The following GGA2 variants were observed in gnomAD, a reference collection of about 807,000 sequenced individuals.
GGA2 encodes golgi associated, gamma adaptin ear containing, ARF binding protein 2, also known as ADP-ribosylation factor-binding protein GGA2.
A neutral mutation model predicts 79.5 loss-of-function variants in GGA2; 48 were observed. The ratio of observed to expected loss-of-function variants is 0.60; its 90% CI spans 0.48 to 0.77. The LOEUF (loss-of-function observed/expected upper bound fraction) is 0.77. Among genes scored for constraint, GGA2 ranks in the 30% least tolerant of loss-of-function variants. The probability of loss-of-function intolerance (pLI) is 0.00; values close to 1 mark genes in which losing one functional copy is unlikely to be tolerated. For synonymous variants in GGA2, 317 were observed against 302.0 expected (o/e 1.05, Z -0.51); for missense variants, 770 against 774.0 (o/e 0.99, Z 0.06).
chr16:23,473,432 G>A (rs1964540100), intron 14 of GGA2, among the ~76,000 whole-genome samples: 1 of 138,460 alleles, frequency 7.2e-6, no homozygotes, highest in Non-Finnish European at 1.5e-5. Context: ...TGCCATCTGG[G>A]TTCAGGTGAT....
chr16:23,486,201 T>G (rs753776224), intron 7 of GGA2, 49 bp from the exon 8 acceptor site: 39 of 1,575,328 alleles, frequency 2.5e-5, no homozygotes, highest in Non-Finnish European at 3.2e-5. Flanking sequence ...AAACCCTGGC[T>G]GAAGCCTGAA....
chr16:23,495,097 G>C (rs57258063), intron 2 of GGA2, among the ~76,000 whole-genome samples: 2 of 149,744 alleles, frequency 1.3e-5, no homozygotes, highest in East Asian at 1.9e-4. Context: ...AAAAAGAAAA[G>C]AAAAGAAAAC....
chr16:23,482,961 C>T lies in GGA2; in HGVS notation c.842G>A (p.Arg281Gln), dbSNP rs148723605. ...RCEKLRPTLF[R>Q]LASDTTDDDD... The stretch of plus-strand genomic sequence containing the variant: ...GTCATCAGTGGTGTCACTCGCCAAC[C>T]GGAACAGCGTGGGCCGCAGCTTTTC... The change falls in exon 9 of 17, where the codon CGG (arginine) becomes CAG (glutamine). Residue 281 changes from arginine to glutamine, a missense_variant. Coordinates refer to ENST00000309859, the MANE Select transcript of GGA2 (RefSeq NM_015044.4). The T allele has an allele frequency of 5.0e-6, 8 of 1,612,770 alleles. No individual in the cohort carries two copies. In the African/African-American group the frequency reaches 5.3e-5, roughly 11 times the overall value.
At chr16:23,468,786 T>C (rs1166535529) in intron 16 of GGA2, 100 bp downstream of exon 16, 2 of 707,698 alleles carry the variant, frequency 2.8e-6, no homozygotes, top group Admixed American at 2.0e-5. Context: ...CCAGAGACTT[T>C]AGAGCAAGGC....
intron 9 of GGA2, among the ~76,000 whole-genome samples, chr16:23,482,251 G>A (rs1424831521): frequency 6.6e-6 from 1 of 152,118 alleles, no homozygotes; most frequent in Non-Finnish European, 1.5e-5. Context: ...ACGACAGAGC[G>A]AGACTCCATC....
chr16:23,493,485 A>G, intron 3 of GGA2, 27 bp from the exon 4 acceptor site: 1 of 1,440,278 alleles, frequency 6.9e-7, no homozygotes, highest in Non-Finnish European at 9.8e-7. Context: ...CCCCCAGGAG[A>G]AGGTGGAAAG....
chr16:23,510,503 A>T, upstream of GGA2: 1 of 465,860 alleles, frequency 2.1e-6, no homozygotes, highest in African/African-American at 2.0e-5. Flanking sequence ...GCGCGGCAGG[A>T]GCGGTGGACA....
intron 10 of GGA2, chr16:23,480,196 G>C (rs993409310): frequency 7.8e-5 from 29 of 374,110 alleles, no homozygotes; most frequent in South Asian, 6.5e-4. Flanking sequence ...GACCACAGCT[G>C]ATTAGAATCA....
chr16:23,470,263 G>GC, intron 14 of GGA2, 98 bp from the exon 15 acceptor site: 2 of 851,926 alleles, frequency 2.3e-6, no homozygotes, highest in Non-Finnish European at 3.5e-6. Flanking sequence ...AGATGCTGTT[G>GC]CTTCTCCATG....
At chr16:23,509,739 AAC>A (rs1157741738) in intron 1 of GGA2, among the ~76,000 whole-genome samples, 39 of 148,812 alleles carry the variant, frequency 2.6e-4, no homozygotes, top group African/African-American at 5.4e-4. Context: ...GGAAAAAAAA[AAC>A]ACACATATAT....
At chr16:23,500,490 G>A (rs1436189147) in intron 1 of GGA2, among the ~76,000 whole-genome samples, 2 of 152,230 alleles carry the variant, frequency 1.3e-5, no homozygotes, top group East Asian at 1.9e-4. Context: ...CACAGCAGAT[G>A]GAACACGCTG....
chr16:23,491,767 C>G lies in GGA2; in HGVS notation c.385G>C (p.Gly129Arg). The change falls in exon 5 of 17, where the codon GGA (glycine) becomes CGA (arginine). Residue 129 changes from glycine to arginine, a missense_variant. Coordinates refer to ENST00000309859, the MANE Select transcript of GGA2 (RefSeq NM_015044.4). ...CTGAAGAGTATTTCAATGACTCTTC[C>G]TTTAACTTTTCCTGTGGCCCAGGAC... ...LGSWATGKVK[G>R]RVIEILFSWT... is the part of the protein sequence containing the mutation. 6.2e-7 allele frequency: 1 copy of G among 1,611,468 alleles called. No homozygotes were observed. The highest frequency in any genetic ancestry group is 1.1e-5 in the South Asian group (1 of 91,004).
rs752597627 is a variant in GGA2, at chr16:23,491,713, T to G, written c.439A>C (p.Lys147Gln). 6.2e-7 allele frequency: 1 copy of G among 1,612,850 alleles called. No individual in the cohort carries two copies. Among genetic ancestry groups the G allele is most frequent in the Non-Finnish European group, 8.5e-7 (1 of 1,178,990 alleles). Reference protein sequence around the residue: ...SWTVWFPEDIKIRDAYQMLKK... With the variant: ...SWTVWFPEDIQIRDAYQMLKK... ...AGCATCTGATAAGCGTCTCGAATCT[T>G]GATGTCTTCCGGAAACCAGACTGTC... Residue 147 changes from lysine (K) to glutamine (Q), a missense_variant, in exon 5 of 17, where the codon AAG becomes CAG. Physicochemically the swap from Lys to Gln is moderately conservative, Grantham distance 53. Transcript: ENST00000309859.
At position 23,495,751 on chromosome 16, in the gene GGA2, TC is replaced by T; in HGVS notation, c.118del (p.Glu40AsnfsTer14). ...LNKATDPSMS[E>X]QDWSAIQNFC... ...ATTCTGGATAGCTGACCAATCCTGT[TC>T]CGACATGCTTGGGTCTGTGGCTTTG... is the stretch of plus-strand genomic sequence containing the variant. On this transcript the variant is annotated frameshift_variant, in exon 2 of 17. Coordinates refer to ENST00000309859, the MANE Select transcript of GGA2 (RefSeq NM_015044.4). LOFTEE classifies it high-confidence loss of function. 6.2e-7 allele frequency: 1 copy of T among 1,612,354 alleles called. No homozygotes were observed. Among genetic ancestry groups the T allele is most frequent in the Non-Finnish European group, 8.5e-7 (1 of 1,178,432 alleles).
intron 4 of GGA2, 136 bp from the exon 5 acceptor site, chr16:23,491,936 C>G (rs1228594177): frequency 1.7e-6 from 1 of 573,892 alleles, no homozygotes; most frequent in African/African-American, 1.9e-5. Flanking sequence ...AGACTAGAGG[C>G]CACACCATCT....
Position 23,482,978 on chromosome 16 carries a change from C to T in GGA2, c.825G>A (p.Leu275=). The T allele has an allele frequency of 6.2e-7, 1 of 1,612,166 alleles. No individual in the cohort carries two copies. The highest frequency in any genetic ancestry group is 8.5e-7 in the Non-Finnish European group (1 of 1,178,216). Residue 275 remains leucine (L), a synonymous_variant, in exon 9 of 17, where the codon CTG becomes CTA. Coordinates refer to ENST00000309859, the MANE Select transcript of GGA2 (RefSeq NM_015044.4). ...TCGCCAACCGGAACAGCGTGGGCCG[C>T]AGCTTTTCACACCTCTCATACACGA... ...LQVVYERCEK[L]RPTLFRLASD...
chr16:23,510,517 G>C (rs1458589299), upstream of GGA2: 2 of 430,646 alleles, frequency 4.6e-6, no homozygotes, highest in Non-Finnish European at 3.9e-6. Context: ...GTGGACACGT[G>C]ACGGGGCGGG....
intron 11 of GGA2, 31 bp downstream of exon 11, chr16:23,479,734 G>A: frequency 6.2e-7 from 1 of 1,612,622 alleles, no homozygotes; most frequent in South Asian, 1.1e-5. Context: ...CACCCATCCT[G>A]TGCCTGCTCC....
chr16:23,494,572 C>T (rs1964831828), intron 2 of GGA2, among the ~76,000 whole-genome samples, 194 bp from the exon 3 acceptor site: 1 of 152,196 alleles, frequency 6.6e-6, no homozygotes, highest in Admixed American at 6.5e-5. Context: ...GCACCTACAG[C>T]ACCCAAGGTC....
Sources: allele counts gnomAD v4.1 joint callset (sites outside exome capture counted in the v4.1 genomes callset), GRCh38; gene constraint gnomAD v4.1.1; transcripts MANE v1.5; gene names NCBI Gene and HGNC (gene_info 2026-07-23, HGNC 2026-07-21).